C1QTNF7: variants seen among roughly 807,000 people sequenced by gnomAD.
C1QTNF7 encodes the protein complement C1q tumor necrosis factor-related protein 7.
In C1QTNF7, 15 loss-of-function variants were observed where a neutral mutation model predicts 19.6. The observed-to-expected ratio is 0.76, with a 90% CI of 0.51 to 1.18. The LOEUF (loss-of-function observed/expected upper bound fraction) is 1.18, where lower values mean the gene tolerates loss of function less well. Ranked by LOEUF, C1QTNF7 falls within the 50% of genes most tolerant of loss-of-function variation. C1QTNF7 has a pLI of 0.00. For missense variants in C1QTNF7, 324 were observed against 359.7 expected (o/e 0.90, Z 0.80); for synonymous variants, 142 against 137.5 (o/e 1.03, Z -0.23).
At chr4:15,356,839 C>T (rs533952071) in intron 1 of C1QTNF7, among the ~76,000 whole-genome samples, 1 of 152,044 alleles carries the variant, frequency 6.6e-6, no homozygotes, top group Non-Finnish European at 1.5e-5. Flanking sequence ...TTGCATTTCT[C>T]TAATAACCAG....
At chr4:15,393,154 T>A (rs1186505114) in intron 1 of C1QTNF7, among the ~76,000 whole-genome samples, 2 of 152,160 alleles carry the variant, frequency 1.3e-5, no homozygotes, top group Non-Finnish European at 2.9e-5. Context: ...TTGGCCCTCT[T>A]TTCTGTCTTG....
chr4:15,353,131 G>A (rs1280024033), intron 1 of C1QTNF7, among the ~76,000 whole-genome samples: 2 of 152,144 alleles, frequency 1.3e-5, no homozygotes, highest in Non-Finnish European at 2.9e-5. Context: ...TGAGACGGGG[G>A]AATGAGCAAA....
chr4:15,354,058 G>A (rs141140711), intron 1 of C1QTNF7, among the ~76,000 whole-genome samples: 5 of 152,242 alleles, frequency 3.3e-5, no homozygotes, highest in African/African-American at 1.2e-4. Context: ...AGGCTGCTGT[G>A]TGGAAGGCTG....
chr4:15,417,110 C>G (rs2108922138), intron 1 of C1QTNF7, among the ~76,000 whole-genome samples: 1 of 152,266 alleles, frequency 6.6e-6, no homozygotes, highest in East Asian at 1.9e-4. Flanking sequence ...AAATGAGGAC[C>G]TGAAACTAGT....
chr4:15,369,951 T>G (rs1717660794), intron 1 of C1QTNF7, among the ~76,000 whole-genome samples: 1 of 152,320 alleles, frequency 6.6e-6, no homozygotes, highest in Non-Finnish European at 1.5e-5. Context: ...AAGAGCCATT[T>G]AAAGAACTGT....
intron 1 of C1QTNF7, among the ~76,000 whole-genome samples, chr4:15,431,501 T>A (rs958354100): frequency 1.4e-4 from 21 of 152,186 alleles, no homozygotes; most frequent in Non-Finnish European, 2.4e-4. Flanking sequence ...ATATAAAAAA[T>A]TAATTTTAAA....
In C1QTNF7 at chr4:15,421,924, A is replaced by G. The variant is rs1711784010; in HGVS notation, c.14-13812A>G. Reference sequence around the variant, plus strand: ...AAAACATTATGTTAAGTGAAAGAACAGAGCCTCAAAAACCCACATATTGTA... The same window carrying G: ...AAAACATTATGTTAAGTGAAAGAACGGAGCCTCAAAAACCCACATATTGTA... On this transcript the variant is annotated intron_variant, in intron 1 of 2. Coordinates refer to the C1QTNF7 transcript ENST00000295297. Among the ~76,000 whole-genome samples the G allele has an allele frequency of 2.6e-5, 4 of 152,318 alleles. No homozygotes were observed. In the South Asian group the frequency reaches 8.3e-4, roughly 32 times the overall value.
At chr4:15,374,840 C>T in intron 1 of C1QTNF7, 4 of 825,132 alleles carry the variant, frequency 4.8e-6, no homozygotes, top group Non-Finnish European at 5.8e-6. Context: ...CGTCTTTTGG[C>T]TCATGTTGGT....
At chr4:15,357,294 C>T (rs1323179745) in intron 1 of C1QTNF7, among the ~76,000 whole-genome samples, 1 of 152,100 alleles carries the variant, frequency 6.6e-6, no homozygotes, top group African/African-American at 2.4e-5. Flanking sequence ...GGAAGGCGTC[C>T]AGTTTCAGTT....
At chr4:15,396,881 T>C (rs148751670) in intron 1 of C1QTNF7, among the ~76,000 whole-genome samples, 9 of 152,266 alleles carry the variant, frequency 5.9e-5, no homozygotes, top group Non-Finnish European at 1.0e-4. Flanking sequence ...TGGCTGTCAG[T>C]GTGATGGCAT....
intron 1 of C1QTNF7, among the ~76,000 whole-genome samples, chr4:15,413,846 C>T (rs1200160240): frequency 6.6e-6 from 1 of 152,206 alleles, no homozygotes; most frequent in Non-Finnish European, 1.5e-5. Flanking sequence ...TCAGCCCCTA[C>T]AAAGAGGGTC....
Position 15,439,921 on chromosome 4 carries a change from T to G in C1QTNF7, c.239-2247T>G, listed in dbSNP as rs997340497. Among the ~76,000 whole-genome samples, 73 of 151,800 alleles carry G rather than the reference T, an allele frequency of 4.8e-4. 1 individual carries two copies. Among genetic ancestry groups the G allele is most frequent in the African/African-American group, 1.7e-3 (71 of 41,480 alleles). ...AAAATGTCATATATAAATCAATGTC[T>G]TATATATAATCTATTTTATATATAA... On this transcript the variant is annotated intron_variant, in intron 2 of 2. Transcript: ENST00000444304.
chr4:15,404,266 G>A (rs957207297), intron 1 of C1QTNF7, among the ~76,000 whole-genome samples: 5 of 152,190 alleles, frequency 3.3e-5, no homozygotes, highest in African/African-American at 1.2e-4. Context: ...GTGCTTGCTA[G>A]AAGAGAGTTT....
At chr4:15,401,336 T>G (rs1271269847) in intron 1 of C1QTNF7, among the ~76,000 whole-genome samples, 1 of 152,072 alleles carries the variant, frequency 6.6e-6, no homozygotes, top group Non-Finnish European at 1.5e-5. Context: ...CACACTGGCC[T>G]CCCGGACACC....
chr4:15,374,745 G>A (rs1717864346), intron 1 of C1QTNF7: 1 of 985,206 alleles, frequency 1.0e-6, no homozygotes, highest in African/African-American at 1.7e-5. Flanking sequence ...AAAGACTCCA[G>A]CTGTTGGAAG....
chr4:15,441,138 T>C (rs1451343831), intron 2 of C1QTNF7, among the ~76,000 whole-genome samples: 1 of 151,850 alleles, frequency 6.6e-6, no homozygotes, highest in Non-Finnish European at 1.5e-5. Flanking sequence ...TGAGACTCTG[T>C]CTCAAAAAAG....
At chr4:15,400,313 G>A (rs1388817520) in intron 1 of C1QTNF7, among the ~76,000 whole-genome samples, 1 of 152,174 alleles carries the variant, frequency 6.6e-6, no homozygotes, top group Non-Finnish European at 1.5e-5. Flanking sequence ...GCTCTTTGAG[G>A]GATATAGATG....
At chr4:15,424,373 A>G (rs573520136), upstream of C1QTNF7, among the ~76,000 whole-genome samples, 77 of 152,308 alleles carry the variant, frequency 5.1e-4, 1 homozygote, top group African/African-American at 1.7e-3. Flanking sequence ...ATTCTTACTT[A>G]GTAAGTGCTA....
upstream of C1QTNF7, among the ~76,000 whole-genome samples, chr4:15,424,818 G>A (rs550638847): frequency 5.0e-4 from 76 of 152,224 alleles, 1 homozygote; most frequent in African/African-American, 1.7e-3. Context: ...GTTCTAAGTC[G>A]ATGTATGAGC....
Sources: allele counts gnomAD v4.1 joint callset (sites outside exome capture counted in the v4.1 genomes callset), GRCh38; gene constraint gnomAD v4.1.1; transcripts MANE v1.5; gene names NCBI Gene and HGNC (gene_info 2026-07-23, HGNC 2026-07-21).